The following STPG2 variants were observed in gnomAD, a reference collection of about 807,000 sequenced individuals.
STPG2 encodes sperm tail PG-rich repeat containing 2.
A neutral mutation model predicts 54.2 loss-of-function variants in STPG2; 56 were observed. The observed-to-expected ratio is 1.03, with a 90% CI of 0.83 to 1.29. The LOEUF is 1.29. Among genes scored for constraint, STPG2 ranks in the 50% most tolerant of loss-of-function variants. The pLI, the probability that STPG2 is intolerant of heterozygous loss-of-function variation, is 0.00. For missense variants in STPG2, 596 were observed against 544.9 expected, an observed-to-expected ratio of 1.09 and a Z score of -0.93; for synonymous variants, 200 against 181.8, an observed-to-expected ratio of 1.10 and a Z score of -0.81.
At chr4:97,637,962 ATGACT>A (rs1390876538) in intron 10 of STPG2, among the ~76,000 whole-genome samples, 8 of 151,844 alleles carry the variant, frequency 5.3e-5, no homozygotes, top group African/African-American at 1.9e-4. Context: ...CAAGCTACCA[ATGACT>A]TTCTTCACAG....
intron 5 of STPG2, among the ~76,000 whole-genome samples, chr4:98,053,495 C>T (rs1737389711): frequency 6.6e-6 from 1 of 151,704 alleles, no homozygotes; most frequent in Non-Finnish European, 1.5e-5. Context: ...CTATATAAAA[C>T]CTTTAAGAAT....
At chr4:98,021,413 T>C (rs999404268) in intron 5 of STPG2, among the ~76,000 whole-genome samples, 4 of 150,944 alleles carry the variant, frequency 2.6e-5, no homozygotes, top group Non-Finnish European at 5.9e-5. Context: ...TTCTTTTACA[T>C]TTGCTGAGGA....
intron 4 of STPG2, among the ~76,000 whole-genome samples, chr4:97,469,670 C>T (rs138736889): frequency 1.1e-4 from 17 of 151,838 alleles, no homozygotes; most frequent in African/African-American, 4.1e-4. Context: ...TGACCCAAGA[C>T]CTCAAGGAAG....
chr4:97,656,944 CAT>C (rs1317045135), intron 10 of STPG2, among the ~76,000 whole-genome samples: 5 of 151,878 alleles, frequency 3.3e-5, no homozygotes, highest in African/African-American at 7.2e-5. Context: ...AGTTGTTACA[CAT>C]GATTTAAAAT....
At chr4:97,441,614 G>A (rs186808782) in intron 4 of STPG2, 145 of 151,928 alleles carry the variant, frequency 9.5e-4, no homozygotes, top group Non-Finnish European at 1.6e-3. Flanking sequence ...TCTTTCAGAT[G>A]GCTTCTCTAG....
chr4:97,579,055 G>A (rs1732796910), intron 10 of STPG2, among the ~76,000 whole-genome samples: 1 of 152,078 alleles, frequency 6.6e-6, no homozygotes, highest in Non-Finnish European at 1.5e-5. Flanking sequence ...AGTGAGAAAA[G>A]AAGAAAATAT....
intron 8 of STPG2, among the ~76,000 whole-genome samples, chr4:97,927,554 G>A (rs1021090072): frequency 6.6e-6 from 1 of 151,908 alleles, no homozygotes; most frequent in African/African-American, 2.4e-5. Context: ...TTTAAAAAAA[G>A]TTATATACCT....
intron 10 of STPG2, among the ~76,000 whole-genome samples, chr4:97,680,179 T>C (rs1399044499): frequency 6.6e-6 from 1 of 151,540 alleles, no homozygotes; most frequent in African/African-American, 2.4e-5. Flanking sequence ...CATTGGTAGC[T>C]TGATGGGGAT....
intron 8 of STPG2, among the ~76,000 whole-genome samples, chr4:97,853,894 G>T (rs549157451): frequency 6.6e-6 from 1 of 152,242 alleles, no homozygotes; most frequent in South Asian, 2.1e-4. Flanking sequence ...AGCTCCTCCC[G>T]CCTCAGCCTC....
intron 8 of STPG2, among the ~76,000 whole-genome samples, chr4:97,931,783 C>A (rs534443844): frequency 6.6e-6 from 1 of 151,844 alleles, no homozygotes; most frequent in Admixed American, 6.6e-5. Context: ...AGTCCCTTCT[C>A]CTCAATTTTT....
intron 4 of STPG2, among the ~76,000 whole-genome samples, chr4:97,527,188 C>T (rs956256576): frequency 6.6e-6 from 1 of 152,028 alleles, no homozygotes; most frequent in African/African-American, 2.4e-5. Context: ...TGTGATGTTC[C>T]CTTCCCTGTG....
Position 97,872,790 on chromosome 4 carries a change from T to C in STPG2, c.1045-31858A>G, listed in dbSNP as rs547693859. ...TCTATATTATAACTTATTACAATTA[T>C]TACTTAATTTTGATGCTCAAATTAC... On this transcript the variant is annotated intron_variant, in intron 8 of 10. Coordinates refer to ENST00000295268, the MANE Select transcript of STPG2 (RefSeq NM_174952.3). Among the ~76,000 whole-genome samples, 8 of 151,394 alleles carry C rather than the reference T, an allele frequency of 5.3e-5. No individual in the cohort carries two copies. In the South Asian group the frequency reaches 1.7e-3, roughly 31 times the overall value.
chr4:97,747,963 G>C (rs1215691604), intron 9 of STPG2, among the ~76,000 whole-genome samples: 1 of 151,374 alleles, frequency 6.6e-6, no homozygotes, highest in Non-Finnish European at 1.5e-5. Flanking sequence ...AGACATAAGG[G>C]GAAATCTTCT....
chr4:97,466,403 TTTA>T (rs1470480269), intron 4 of STPG2, among the ~76,000 whole-genome samples: 2 of 152,076 alleles, frequency 1.3e-5, no homozygotes, highest in African/African-American at 4.8e-5. Context: ...ACTGTCTACA[TTTA>T]GAGTCAAGCA....
intron 9 of STPG2, among the ~76,000 whole-genome samples, chr4:97,797,765 C>G (rs1317531573): frequency 6.6e-6 from 1 of 152,000 alleles, no homozygotes. Flanking sequence ...AGGAATGGTA[C>G]CAGCTCCTCC....
chr4:98,128,344 G>C (rs1242761759), intron 3 of STPG2, 84 bp downstream of exon 3: 3 of 1,240,146 alleles, frequency 2.4e-6, no homozygotes, highest in Admixed American at 6.6e-5. Context: ...TTTTTTCTTG[G>C]AGAAATAAGC....
chr4:97,905,119 C>T (rs1731353555), intron 8 of STPG2, among the ~76,000 whole-genome samples: 1 of 151,612 alleles, frequency 6.6e-6, no homozygotes, highest in East Asian at 1.9e-4. Flanking sequence ...CACAAAGATA[C>T]TCCTCGAGAA....
Position 98,025,894 on chromosome 4 carries a change from C to T in STPG2, c.613-44576G>A, listed in dbSNP as rs531432239. On this transcript the variant is annotated intron_variant, in intron 5 of 10. Transcript: ENST00000295268. ...CCCTGAAGGGAGCTGTGGATGGAGG[C>T]TTGTCTATCCCTCACAGTACCAAAT... 5 of 1,577,724 alleles carry T rather than the reference C, an allele frequency of 3.2e-6. No individual in the cohort carries two copies. The Admixed American group carries it at 8.3e-5, about 26-fold the overall frequency.
At chr4:97,883,229 AT>A (rs1369774800) in intron 8 of STPG2, among the ~76,000 whole-genome samples, 3 of 151,624 alleles carry the variant, frequency 2.0e-5, no homozygotes, top group Admixed American at 6.6e-5. Context: ...ATATGTATAT[AT>A]TTTTTTAATT....
Sources: allele counts gnomAD v4.1 joint callset (sites outside exome capture counted in the v4.1 genomes callset), GRCh38; gene constraint gnomAD v4.1.1; transcripts MANE v1.5; gene names NCBI Gene and HGNC (gene_info 2026-07-23, HGNC 2026-07-21).